KIAA1549L: variants seen among roughly 807,000 people sequenced by gnomAD.
The protein encoded by KIAA1549L is KIAA1549 like.
A neutral mutation model predicts 160.7 loss-of-function variants in KIAA1549L; 88 were observed. The ratio of observed to expected loss-of-function variants is 0.55; its 90% CI spans 0.46 to 0.65. The LOEUF (loss-of-function observed/expected upper bound fraction) is 0.65. Ranked by LOEUF, KIAA1549L falls within the 30% of genes least tolerant of loss-of-function variation. The pLI is 0.00. For missense variants in KIAA1549L, 2,258 were observed against 2,437.5 expected (o/e 0.93, Z 1.55); for synonymous variants, 950 against 976.7 (o/e 0.97, Z 0.51).
At chr11:33,384,483 G>C (rs937603158) in intron 1 of KIAA1549L, among the ~76,000 whole-genome samples, 1 of 152,116 alleles carries the variant, frequency 6.6e-6, no homozygotes, top group Admixed American at 6.5e-5. Flanking sequence ...TCATGTGTTA[G>C]GGACGTATTT....
At chr11:33,576,879 GAGATGTCTACT>G (rs1855467637) in intron 10 of KIAA1549L, among the ~76,000 whole-genome samples, 1 of 152,168 alleles carries the variant, frequency 6.6e-6, no homozygotes, top group African/African-American at 2.4e-5. Context: ...TGTTAGGTGT[GAGATGTCTACT>G]AGACATCCAC....
chr11:33,576,888 A>G (rs1372589953), intron 10 of KIAA1549L, among the ~76,000 whole-genome samples: 2 of 152,204 alleles, frequency 1.3e-5, no homozygotes, highest in African/African-American at 2.4e-5. Context: ...TGAGATGTCT[A>G]CTAGACATCC....
intron 1 of KIAA1549L, among the ~76,000 whole-genome samples, chr11:33,417,781 G>GT (rs1028880474): frequency 6.6e-6 from 1 of 151,194 alleles, no homozygotes; most frequent in Non-Finnish European, 1.5e-5. Context: ...CTGTCGTTTT[G>GT]TTTTTTGTTT....
rs148831797 is a variant in KIAA1549L, at chr11:33,597,188, G to A, written c.4752-1632G>A. Among the ~76,000 whole-genome samples, 781 of 152,334 alleles carry A rather than the reference G, an allele frequency of 5.1e-3. 3 individuals carry two copies. Among genetic ancestry groups the A allele is most frequent in the African/African-American group, 0.018 (758 of 41,584 alleles). On this transcript the variant is annotated intron_variant, in intron 12 of 20. Coordinates refer to ENST00000658780, the MANE Select transcript of KIAA1549L (RefSeq NM_012194.3). ...AGGTGCATTAGGAATCTCCAAAGAA[G>A]GAATATAGTGAGCATTTCCCACATT... is the stretch of plus-strand genomic sequence containing the variant.
chr11:33,523,500 CTAATATACTAGAAGGAT>C (rs1158344889), intron 1 of KIAA1549L, among the ~76,000 whole-genome samples: 6 of 152,100 alleles, frequency 3.9e-5, no homozygotes, highest in Non-Finnish European at 1.5e-5. Context: ...CTGAATGCTC[CTAATATACTAGAAGGAT>C]TATTTTCTTT....
intron 1 of KIAA1549L, among the ~76,000 whole-genome samples, chr11:33,507,559 C>G (rs1451165570): frequency 6.6e-6 from 1 of 152,124 alleles, no homozygotes; most frequent in Non-Finnish European, 1.5e-5. Flanking sequence ...TTAGCATAGA[C>G]AGTAAGCTGT....
At chr11:33,394,621 G>A (rs745396540) in intron 1 of KIAA1549L, among the ~76,000 whole-genome samples, 7 of 152,234 alleles carry the variant, frequency 4.6e-5, no homozygotes, top group South Asian at 2.1e-4. Flanking sequence ...CATCTGTCAC[G>A]GCTCCTGTTT....
intron 1 of KIAA1549L, among the ~76,000 whole-genome samples, chr11:33,501,149 A>G (rs894322735): frequency 2.0e-5 from 3 of 152,224 alleles, no homozygotes; most frequent in African/African-American, 7.2e-5. Context: ...GGCAAAGGCG[A>G]CTGAAGCTAT....
rs767658744 is a variant in KIAA1549L at position 33,645,759 on chromosome 11, A to G, written c.5483A>G (p.Gln1828Arg). ...CCCCGGGGCTATTCCAGGTCTCGACAGGTGAAAGGCCACTCGGAGACCTCC... is the reference window on the plus strand; with the variant it reads ...CCCCGGGGCTATTCCAGGTCTCGACGGGTGAAAGGCCACTCGGAGACCTCC... ...PEPRGYSRSRQVKGHSETSTL... is the reference protein window; with the variant it reads ...PEPRGYSRSRRVKGHSETSTL... The change falls in exon 17 of 21, where the codon CAG (glutamine) becomes CGG (arginine). Residue 1828 changes from glutamine to arginine, a missense_variant. Transcript: ENST00000658780. The G allele has an allele frequency of 1.9e-6, 3 of 1,614,004 alleles. No individual in the cohort carries two copies. The highest frequency in any genetic ancestry group is 2.2e-5 in the East Asian group (1 of 44,886).
At chr11:33,413,433 G>A in intron 1 of KIAA1549L, among the ~76,000 whole-genome samples, 1 of 82,412 alleles carries the variant, frequency 1.2e-5, no homozygotes, top group South Asian at 4.4e-4. Context: ...GTGAGACCCT[G>A]TCTTTAAAAA....
chr11:33,549,042 A>G (rs1034010004), intron 4 of KIAA1549L, among the ~76,000 whole-genome samples: 5 of 152,242 alleles, frequency 3.3e-5, no homozygotes, highest in African/African-American at 1.2e-4. Flanking sequence ...GAATATTTCC[A>G]TTTAATTGCC....
chr11:33,522,073 CTATA>C (rs907328439), intron 1 of KIAA1549L, among the ~76,000 whole-genome samples: 5 of 152,078 alleles, frequency 3.3e-5, no homozygotes, highest in South Asian at 2.1e-4. Context: ...TTTGATATGA[CTATA>C]TATATAAACA....
At chr11:33,520,740 C>CACACACA (rs1554985280) in intron 1 of KIAA1549L, among the ~76,000 whole-genome samples, 2 of 144,888 alleles carry the variant, frequency 1.4e-5, no homozygotes, top group Non-Finnish European at 1.5e-5. Context: ...CACACACACA[C>CACACACA]TCCCTCTCTC....
chr11:33,477,511 A>G (rs867645290), intron 1 of KIAA1549L, among the ~76,000 whole-genome samples: 7 of 144,240 alleles, frequency 4.9e-5, no homozygotes, highest in African/African-American at 1.9e-4. Flanking sequence ...GTGCACGCAC[A>G]CACACACAAA....
rs1179230173 is a variant in KIAA1549L, at chr11:33,614,564, A to T, written c.5280-3969A>T. Among the ~76,000 whole-genome samples the T allele has an allele frequency of 3.0e-4, 4 of 13,476 alleles. 1 individual carries two copies. The highest frequency in any genetic ancestry group is 2.6e-3 in the South Asian group (1 of 378). The allele number at this position is 13,476 out of a possible 152,430, so 8.8% of individuals were successfully genotyped here. A position where few individuals can be genotyped will look rare whatever the true frequency, so the allele number is the denominator to read the frequency against. ...TATATATATATATATATATATATAT[A>T]TATATATATATATATATATATTTTT... On this transcript the variant is annotated intron_variant, in intron 15 of 20. Coordinates refer to ENST00000658780, the MANE Select transcript of KIAA1549L (RefSeq NM_012194.3).
At position 33,599,068 on chromosome 11, in the gene KIAA1549L, T is replaced by C. The variant is rs2133305293; in HGVS notation, c.4879+121T>C. The C allele has an allele frequency of 2.5e-6, 3 of 1,187,568 alleles. No homozygotes were observed. The East Asian group carries it at 7.6e-5, about 30-fold the overall frequency. 73.6% of individuals were successfully genotyped at this position (1,187,568 alleles called of 1,614,324 possible). A position where few individuals can be genotyped will look rare whatever the true frequency, so the allele number is the denominator to read the frequency against. ...ACTGGGCTCTGACCCTCAGTCGTTCTTTCTATTCTGCCCCACAAGGGCCAG... is the reference window on the plus strand; with the variant it reads ...ACTGGGCTCTGACCCTCAGTCGTTCCTTCTATTCTGCCCCACAAGGGCCAG... On this transcript the variant is annotated intron_variant, in intron 13 of 20. Coordinates refer to ENST00000658780, the MANE Select transcript of KIAA1549L (RefSeq NM_012194.3).
At chr11:33,509,493 G>A (rs1754589165) in intron 1 of KIAA1549L, among the ~76,000 whole-genome samples, 1 of 152,170 alleles carries the variant, frequency 6.6e-6, no homozygotes, top group Non-Finnish European at 1.5e-5. Flanking sequence ...GCCTTTGTTA[G>A]GCAGCAGAAA....
intron 1 of KIAA1549L, chr11:33,403,294 C>CATGCACACACATGCAGACAGACAG (rs1590221355): frequency 4.9e-4 from 19 of 38,600 alleles, no homozygotes; most frequent in East Asian, 1.9e-3. Flanking sequence ...CACACACACA[C>CATGCACACACATGCAGACAGACAG]ACACACGCAT....
intron 1 of KIAA1549L, among the ~76,000 whole-genome samples, chr11:33,538,773 G>A (rs1053578098): frequency 2.0e-5 from 3 of 152,070 alleles, no homozygotes; most frequent in Non-Finnish European, 2.9e-5. Context: ...TTTACATGTA[G>A]ATATTATTTT....
Sources: allele counts gnomAD v4.1 joint callset (sites outside exome capture counted in the v4.1 genomes callset), GRCh38; gene constraint gnomAD v4.1.1; transcripts MANE v1.5; gene names NCBI Gene and HGNC (gene_info 2026-07-23, HGNC 2026-07-21).